CHP1: variants seen among roughly 807,000 people sequenced by gnomAD.
CHP1 encodes the protein calcineurin like EF-hand protein 1, also known as calcineurin B homologous protein 1.
In CHP1, 11 loss-of-function variants were observed where a neutral mutation model predicts 27.4. The ratio of observed to expected loss-of-function variants is 0.40; its 90% CI spans 0.25 to 0.67. CHP1 has a LOEUF of 0.67. CHP1 is among the 30% of genes least tolerant of loss of function. CHP1 has a pLI of 0.38. For synonymous variants in CHP1, 89 were observed against 87.4 expected, an observed-to-expected ratio of 1.02 and a Z score of -0.10; for missense variants, 169 against 251.3, an observed-to-expected ratio of 0.67 and a Z score of 2.22.
At chr15:41,266,190 G>T (rs1046681965) in intron 4 of CHP1, among the ~76,000 whole-genome samples, 5 of 152,082 alleles carry the variant, frequency 3.3e-5, no homozygotes, top group African/African-American at 1.2e-4. Flanking sequence ...GACTGAGGCA[G>T]GAGAATTGCT....
At chr15:41,237,685 T>C (rs2047284478) in intron 1 of CHP1, among the ~76,000 whole-genome samples, 1 of 152,158 alleles carries the variant, frequency 6.6e-6, no homozygotes, top group African/African-American at 2.4e-5. Flanking sequence ...CAGTCTGTTC[T>C]TCTGCATTAA....
chr15:41,245,069 C>T (rs995544285), intron 2 of CHP1, among the ~76,000 whole-genome samples: 3 of 152,132 alleles, frequency 2.0e-5, no homozygotes, highest in South Asian at 2.1e-4. Flanking sequence ...ATTAAGCATA[C>T]GTATTTCCCC....
chr15:41,277,679 T>C (rs2047525922), intron 5 of CHP1, among the ~76,000 whole-genome samples: 1 of 151,374 alleles, frequency 6.6e-6, no homozygotes. Flanking sequence ...TCCCAGCTAC[T>C]CGGGAGGCCG....
chr15:41,262,663 T>TC, intron 3 of CHP1, 93 bp from the exon 4 acceptor site: 1 of 1,492,244 alleles, frequency 6.7e-7, no homozygotes, highest in Non-Finnish European at 9.2e-7. Flanking sequence ...CCTTTCAGGC[T>TC]ACCGTAGCTA....
chr15:41,249,977 G>A (rs1453798989), intron 2 of CHP1, among the ~76,000 whole-genome samples: 2 of 151,566 alleles, frequency 1.3e-5, no homozygotes, highest in African/African-American at 4.8e-5. Flanking sequence ...ACATAAGGCA[G>A]AACTGTGGAA....
chr15:41,234,284 G>A (rs1343583256), intron 1 of CHP1: 1 of 151,978 alleles, frequency 6.6e-6, no homozygotes, highest in Non-Finnish European at 1.5e-5. Flanking sequence ...GGAGTAATTT[G>A]GTATGATGCA....
intron 1 of CHP1, among the ~76,000 whole-genome samples, chr15:41,242,164 T>C (rs1284451362): frequency 6.6e-6 from 1 of 152,198 alleles, no homozygotes; most frequent in African/African-American, 2.4e-5. Flanking sequence ...ATGACCATTT[T>C]ACGAATTTGC....
chr15:41,256,811 G>T, intron 2 of CHP1, 99 bp from the exon 3 acceptor site: 4 of 908,080 alleles, frequency 4.4e-6, no homozygotes, highest in South Asian at 4.0e-5. Context: ...ATTCCAGGAG[G>T]TAATATTCTT....
intron 2 of CHP1, among the ~76,000 whole-genome samples, chr15:41,254,504 A>G (rs1318672529): frequency 1.3e-5 from 2 of 152,236 alleles, no homozygotes; most frequent in African/African-American, 4.8e-5. Context: ...AGCTTAGTAC[A>G]TGTTTGTTGA....
At chr15:41,237,977 A>C (rs1346163824) in intron 1 of CHP1, among the ~76,000 whole-genome samples, 2 of 152,212 alleles carry the variant, frequency 1.3e-5, no homozygotes, top group Admixed American at 6.5e-5. Context: ...TGCTAGGATT[A>C]CAGGCATGAG....
At chr15:41,277,563 G>A (rs2047525236) in intron 5 of CHP1, among the ~76,000 whole-genome samples, 1 of 152,166 alleles carries the variant, frequency 6.6e-6, no homozygotes, top group Non-Finnish European at 1.5e-5. Context: ...GCGGAGGCGG[G>A]CAGATCATGA....
chr15:41,270,907 A>G (rs972136122), intron 5 of CHP1, among the ~76,000 whole-genome samples: 1 of 152,186 alleles, frequency 6.6e-6, no homozygotes, highest in Non-Finnish European at 1.5e-5. Flanking sequence ...TGAGGTCAGG[A>G]GTTCAAGGGC....
intron 3 of CHP1, among the ~76,000 whole-genome samples, chr15:41,258,789 C>T (rs1490036726): frequency 6.6e-6 from 1 of 152,082 alleles, no homozygotes; most frequent in Admixed American, 6.6e-5. Context: ...TAGTCTATGA[C>T]CCACAGGACT....
chr15:41,238,684 C>CA (rs770298183), intron 1 of CHP1, among the ~76,000 whole-genome samples: 19,642 of 123,550 alleles, frequency 0.16, 1,557 homozygotes, highest in South Asian at 0.29. Context: ...ACTAAAAATA[C>CA]AAAAAAAAAA....
chr15:41,261,729 C>G (rs983761694), intron 3 of CHP1, among the ~76,000 whole-genome samples: 1 of 151,906 alleles, frequency 6.6e-6, no homozygotes, highest in African/African-American at 2.4e-5. Context: ...TGCAGCAGCT[C>G]ACACCTGTAA....
In CHP1 at chr15:41,260,203, G is replaced by C. The variant is rs1278518073; in HGVS notation, c.222-2553G>C. Among the ~76,000 whole-genome samples the C allele has an allele frequency of 2.0e-5, 3 of 151,778 alleles. No individual in the cohort carries two copies. The South Asian group carries it at 6.2e-4, about 31-fold the overall frequency. On this transcript the variant is annotated intron_variant, in intron 3 of 6. Coordinates refer to ENST00000334660, the MANE Select transcript of CHP1 (RefSeq NM_007236.5). ...TTTTTTTAGGTAACCACAGGAACCAGGCCATCTGCCTTAGATAAATAAATT... is the reference window on the plus strand; with the variant it reads ...TTTTTTTAGGTAACCACAGGAACCACGCCATCTGCCTTAGATAAATAAATT...
At chr15:41,237,857 G>T (rs568215828) in intron 1 of CHP1, among the ~76,000 whole-genome samples, 3 of 152,046 alleles carry the variant, frequency 2.0e-5, no homozygotes, top group Admixed American at 1.3e-4. Context: ...CTATAGGCAC[G>T]TGCCACCATG....
At chr15:41,266,461 G>A (rs1042659646) in intron 4 of CHP1, among the ~76,000 whole-genome samples, 2 of 151,934 alleles carry the variant, frequency 1.3e-5, no homozygotes, top group Admixed American at 6.6e-5. Context: ...CATTCTAATT[G>A]TCTTCTTAAA....
chr15:41,270,573 T>C lies in CHP1; in HGVS notation c.366T>C (p.Tyr122=), dbSNP rs1378843945. The C allele has an allele frequency of 1.2e-6, 2 of 1,613,918 alleles. No individual in the cohort carries two copies. Among genetic ancestry groups the C allele is most frequent in the South Asian group, 1.1e-5 (1 of 91,078 alleles). Residue 122 remains tyrosine, a synonymous_variant, in exon 5 of 7, where the codon TAT becomes TAC. Coordinates refer to ENST00000334660, the MANE Select transcript of CHP1 (RefSeq NM_007236.5). ...CCCTTACAGTTGCTTTTCGACTATATGATTTGGATAAAGATGAAAAGATCT... is the reference window on the plus strand; with the variant it reads ...CCCTTACAGTTGCTTTTCGACTATACGATTTGGATAAAGATGAAAAGATCT... ...SNKLHFAFRL[Y]DLDKDEKISR... is the part of the protein sequence containing the mutation.
Sources: allele counts gnomAD v4.1 joint callset (sites outside exome capture counted in the v4.1 genomes callset), GRCh38; gene constraint gnomAD v4.1.1; transcripts MANE v1.5; gene names NCBI Gene and HGNC (gene_info 2026-07-23, HGNC 2026-07-21).